Variants in NRXN3 observed in about 807,000 individuals in gnomAD.
NRXN3 encodes neurexin 3, also known as neurexin III.
A neutral mutation model predicts 137.6 loss-of-function variants in NRXN3; 32 were observed. That is an observed-to-expected ratio of 0.23 (90% confidence interval 0.18 to 0.31). The LOEUF (loss-of-function observed/expected upper bound fraction) is 0.31, where lower values mean the gene tolerates loss of function less well. Ranked by LOEUF, NRXN3 falls within the 10% of genes least tolerant of loss-of-function variation. The pLI is 1.00. For synonymous variants in NRXN3, 798 were observed against 784.5 expected (o/e 1.02, Z -0.29); for missense variants, 1,574 against 2,062.5 (o/e 0.76, Z 4.59).
chr14:79,821,649 A>G (rs2099272764), intron 20 of NRXN3, among the ~76,000 whole-genome samples: 1 of 143,396 alleles, frequency 7.0e-6, no homozygotes, highest in East Asian at 2.1e-4. Flanking sequence ...TCCCTTCCAA[A>G]TTCCCCTAAA....
intron 4 of NRXN3, among the ~76,000 whole-genome samples, chr14:78,383,314 A>C (rs771210098): frequency 6.6e-6 from 1 of 152,144 alleles, no homozygotes; most frequent in Non-Finnish European, 1.5e-5. Flanking sequence ...TAGGGTGAAC[A>C]TGAGTAATGG....
intron 15 of NRXN3, among the ~76,000 whole-genome samples, chr14:79,253,588 T>G (rs1482517503): frequency 2.6e-5 from 4 of 152,238 alleles, no homozygotes; most frequent in Admixed American, 6.5e-5. Flanking sequence ...AAAAGAGGTT[T>G]AATTGACTCA....
chr14:79,665,557 A>G lies in NRXN3; in HGVS notation c.3616+1608A>G, dbSNP rs987266075. ...TCTTAAAAGCTGTTCATAGGCTCAT[A>G]GAAAAAAATCAATCTCTCTCTCCAT... On this transcript the variant is annotated intron_variant, in intron 17 of 20. Coordinates refer to ENST00000335750, the MANE Select transcript of NRXN3 (RefSeq NM_001330195.2). 1.2e-4 allele frequency among the ~76,000 whole-genome samples: 19 copies of G among 152,234 alleles called. No homozygotes were observed. In the South Asian group the frequency reaches 2.7e-3, roughly 22 times the overall value.
At chr14:78,667,502 G>A (rs1394847968) in intron 6 of NRXN3, among the ~76,000 whole-genome samples, 1 of 152,164 alleles carries the variant, frequency 6.6e-6, no homozygotes, top group East Asian at 1.9e-4. Context: ...TTACAGCAAT[G>A]CTGTATATAA....
intron 16 of NRXN3, among the ~76,000 whole-genome samples, chr14:79,546,926 C>A (rs1258693325): frequency 6.6e-6 from 1 of 152,146 alleles, no homozygotes; most frequent in Non-Finnish European, 1.5e-5. Flanking sequence ...CCATTCACTG[C>A]AGTCAAGCCT....
intron 4 of NRXN3, among the ~76,000 whole-genome samples, chr14:78,357,655 A>C (rs1200681698): frequency 6.6e-6 from 1 of 152,190 alleles, no homozygotes; most frequent in Non-Finnish European, 1.5e-5. Context: ...TAGCCAATAC[A>C]GAAGGCCTCA....
intron 16 of NRXN3, among the ~76,000 whole-genome samples, chr14:79,604,424 G>A (rs549402556): frequency 1.3e-4 from 19 of 151,652 alleles, no homozygotes; most frequent in Admixed American, 5.9e-4. Flanking sequence ...TAGTAGGGAC[G>A]AGGTTTCACC....
intron 10 of NRXN3, among the ~76,000 whole-genome samples, chr14:78,948,867 A>G (rs144191616): frequency 3.5e-4 from 53 of 152,084 alleles, no homozygotes; most frequent in Non-Finnish European, 6.3e-4. Context: ...AAACATGGAG[A>G]AACTGTGAGA....
rs148145967 is a variant in NRXN3, at chr14:78,710,767, GA to G, written c.1660+1113del. ...ATTCCAAAGCTAGGCTGACGGCAGAGATAGCAATATTGCCCTTAGGAAGAGC... is the reference window on the plus strand; with the variant it reads ...ATTCCAAAGCTAGGCTGACGGCAGAGTAGCAATATTGCCCTTAGGAAGAGC... On this transcript the variant is annotated intron_variant, in intron 7 of 20. Coordinates refer to ENST00000335750, the MANE Select transcript of NRXN3 (RefSeq NM_001330195.2). Among the ~76,000 whole-genome samples the G allele has an allele frequency of 0.01, 1,533 of 152,304 alleles. 78 individuals are homozygous for G. The East Asian group carries it at 0.16, about 16-fold the overall frequency.
chr14:78,513,359 A>G (rs1487634805), intron 4 of NRXN3, among the ~76,000 whole-genome samples: 1 of 152,196 alleles, frequency 6.6e-6, no homozygotes, highest in Non-Finnish European at 1.5e-5. Flanking sequence ...CTTGCCTCCT[A>G]GTCTAACAGG....
chr14:78,850,035 A>G (rs1424300768), intron 10 of NRXN3, among the ~76,000 whole-genome samples: 1 of 152,172 alleles, frequency 6.6e-6, no homozygotes, highest in Non-Finnish European at 1.5e-5. Context: ...TTTAAAAGGC[A>G]AAATGTAATC....
chr14:79,229,040 T>G (rs1319605855), intron 15 of NRXN3, among the ~76,000 whole-genome samples: 1 of 152,116 alleles, frequency 6.6e-6, no homozygotes, highest in Non-Finnish European at 1.5e-5. Context: ...GGAAGAGATT[T>G]AAAATCACAC....
chr14:79,482,058 G>T (rs2096614211), intron 16 of NRXN3, among the ~76,000 whole-genome samples: 2 of 152,158 alleles, frequency 1.3e-5, no homozygotes, highest in Admixed American at 6.5e-5. Flanking sequence ...TGCAAATCTT[G>T]TGACCTCCGG....
intron 16 of NRXN3, among the ~76,000 whole-genome samples, chr14:79,510,488 A>G (rs1365786083): frequency 1.3e-5 from 2 of 152,136 alleles, no homozygotes; most frequent in African/African-American, 4.8e-5. Context: ...ACCTTGCCTC[A>G]CTCCTGCATG....
intron 15 of NRXN3, among the ~76,000 whole-genome samples, chr14:79,317,500 G>A (rs2089073234): frequency 6.6e-6 from 1 of 152,014 alleles, no homozygotes; most frequent in African/African-American, 2.4e-5. Flanking sequence ...ACTCCAATAT[G>A]ACCTTATCTT....
intron 3 of NRXN3, among the ~76,000 whole-genome samples, chr14:78,292,889 A>G (rs1882811): frequency 0.82 from 124,362 of 152,076 alleles, 51,282 homozygotes; most frequent in African/African-American, 0.92. Context: ...TGGCAGTGTG[A>G]CCTGGGAGAT....
At chr14:78,869,448 T>C (rs951234604) in intron 10 of NRXN3, among the ~76,000 whole-genome samples, 1 of 152,152 alleles carries the variant, frequency 6.6e-6, no homozygotes. Context: ...GTCTTCTAGT[T>C]GCCTACAAGA....
chr14:78,538,948 A>C (rs1188407233), intron 4 of NRXN3, among the ~76,000 whole-genome samples: 1 of 152,234 alleles, frequency 6.6e-6, no homozygotes, highest in Non-Finnish European at 1.5e-5. Context: ...CCAGTCTTGC[A>C]TCCCAGGGAT....
At chr14:79,601,040 C>CTTTTTTTTTTT (rs36044631) in intron 16 of NRXN3, among the ~76,000 whole-genome samples, 4 of 93,424 alleles carry the variant, frequency 4.3e-5, no homozygotes, top group East Asian at 3.6e-4. Flanking sequence ...TCTTTGTTGC[C>CTTTTTTTTTTT]TTTTTTTTTT....
Sources: gnomAD v4.1 joint callset for allele counts (sites outside exome capture counted in the v4.1 genomes callset) on GRCh38, gnomAD v4.1.1 for gene constraint, MANE v1.5 for transcripts, NCBI Gene and HGNC (gene_info 2026-07-23, HGNC 2026-07-21) for gene names.